Variants in HPSE2 observed in about 807,000 individuals in gnomAD.
The protein encoded by HPSE2 is inactive heparanase-2.
Under a neutral mutation model 60.5 loss-of-function variants are expected in HPSE2, and 38 were observed. The ratio of observed to expected loss-of-function variants is 0.63; its 90% CI spans 0.48 to 0.82. The LOEUF (loss-of-function observed/expected upper bound fraction) is 0.82. Ranked by LOEUF, HPSE2 falls within the 40% of genes least tolerant of loss-of-function variation. The pLI, the probability that HPSE2 is intolerant of heterozygous loss-of-function variation, is 0.00. For missense variants in HPSE2, 713 were observed against 740.4 expected (o/e 0.96, Z 0.43); for synonymous variants, 295 against 293.2 (o/e 1.01, Z -0.06).
At chr10:99,240,663 C>T (rs1258198167), upstream of HPSE2, among the ~76,000 whole-genome samples, 2 of 152,106 alleles carry the variant, frequency 1.3e-5, no homozygotes, top group South Asian at 2.1e-4. Context: ...CTGCCCGCCT[C>T]GGCTTCCAAA....
In HPSE2 at chr10:98,459,734, A is replaced by T. The variant is rs1227835322; in HGVS notation, c.1619T>A (p.Val540Glu). The change falls in exon 12 of 12, where the codon GTG becomes GAG. Residue 540 changes from valine to glutamate, a missense_variant. By Grantham distance (121) the Val-to-Glu change is moderately radical. Transcript: ENST00000370552. ...YGQEGLKSKS[V>E]QLNGQPLVMV... is the part of the protein sequence containing the mutation. ...CACTAAGGGCTGGCCATTCAGTTGC[A>T]CTGACCTACAGTGAGGAAAAACAGT... 6.2e-7 allele frequency: 1 copy of T among 1,613,266 alleles called. No individual in the cohort carries two copies. Among genetic ancestry groups the T allele is most frequent in the Non-Finnish European group, 8.5e-7 (1 of 1,179,642 alleles).
At chr10:99,078,293 C>T (rs905027062) in intron 3 of HPSE2, among the ~76,000 whole-genome samples, 5 of 152,080 alleles carry the variant, frequency 3.3e-5, no homozygotes, top group Admixed American at 6.5e-5. Flanking sequence ...TACAGTCATC[C>T]CTGGATTTTC....
intron 3 of HPSE2, among the ~76,000 whole-genome samples, chr10:98,994,719 C>T (rs920076978): frequency 6.6e-6 from 1 of 152,100 alleles, no homozygotes; most frequent in African/African-American, 2.4e-5. Flanking sequence ...CGGTGGGTTC[C>T]CTCCCAAGCA....
At chr10:98,884,404 C>T (rs976574198) in intron 3 of HPSE2, among the ~76,000 whole-genome samples, 15 of 152,124 alleles carry the variant, frequency 9.9e-5, no homozygotes, top group East Asian at 9.6e-4. Context: ...AAAATGCCCT[C>T]TAGGACTTTC....
chr10:99,152,318 A>AG (rs1251301271), intron 2 of HPSE2, among the ~76,000 whole-genome samples: 1 of 151,850 alleles, frequency 6.6e-6, no homozygotes, highest in East Asian at 1.9e-4. Flanking sequence ...CTCAAAAAAA[A>AG]AAAAAAAAAA....
intron 5 of HPSE2, among the ~76,000 whole-genome samples, chr10:98,696,194 T>G (rs1948208287): frequency 6.6e-6 from 1 of 150,920 alleles, no homozygotes; most frequent in Non-Finnish European, 1.5e-5. Flanking sequence ...GGAATTTACT[T>G]CTCCAAAATA....
At chr10:98,548,983 C>T (rs879780441) in intron 9 of HPSE2, among the ~76,000 whole-genome samples, 1 of 152,168 alleles carries the variant, frequency 6.6e-6, no homozygotes, top group African/African-American at 2.4e-5. Context: ...CCTTCTTTCG[C>T]CCACTTGCAG....
chr10:98,883,226 A>T (rs1355390212), intron 3 of HPSE2, among the ~76,000 whole-genome samples: 1 of 152,118 alleles, frequency 6.6e-6, no homozygotes, highest in South Asian at 2.1e-4. Context: ...AAACTTTTTT[A>T]ACAGTAAAAA....
chr10:99,226,554 T>A (rs917832946), intron 2 of HPSE2, among the ~76,000 whole-genome samples: 3 of 152,176 alleles, frequency 2.0e-5, no homozygotes, highest in Non-Finnish European at 4.4e-5. Context: ...TATCAGAGAA[T>A]AATACATGAT....
At chr10:99,188,929 G>C (rs1848126005) in intron 2 of HPSE2, among the ~76,000 whole-genome samples, 1 of 152,180 alleles carries the variant, frequency 6.6e-6, no homozygotes, top group South Asian at 2.1e-4. Context: ...TTCTCTGCAA[G>C]AGTCCTGTTC....
intron 3 of HPSE2, among the ~76,000 whole-genome samples, chr10:98,917,666 CTTATTA>C (rs902944942): frequency 1.3e-5 from 2 of 152,094 alleles, no homozygotes; most frequent in African/African-American, 4.8e-5. Flanking sequence ...GGTACCTACC[CTTATTA>C]TTATTATTTT....
At chr10:99,312,566 A>T in the HPSE2 span, among the ~76,000 whole-genome samples, 1 of 152,242 alleles carries the variant, frequency 6.6e-6, no homozygotes, top group African/African-American at 2.4e-5. Flanking sequence ...ACTACTGCTC[A>T]GAAAAAAAGA....
the HPSE2 span, among the ~76,000 whole-genome samples, chr10:99,312,515 T>C: frequency 1.3e-5 from 2 of 152,224 alleles, no homozygotes; most frequent in Non-Finnish European, 2.9e-5. Context: ...CACATCTGTT[T>C]ACAGCAAACT....
At chr10:98,644,145 G>A (rs1005771219) in intron 6 of HPSE2, among the ~76,000 whole-genome samples, 14 of 152,072 alleles carry the variant, frequency 9.2e-5, no homozygotes, top group African/African-American at 3.4e-4. Flanking sequence ...CCAGAATCTG[G>A]AGTTAGAAAA....
chr10:99,283,217 C>A, the HPSE2 span, among the ~76,000 whole-genome samples: 2,730 of 8,066 alleles, frequency 0.34, 325 homozygotes, highest in East Asian at 0.53. Flanking sequence ...AAAAAAAAAA[C>A]AGAAGGATTT....
At chr10:98,946,056 C>CA (rs1955173626) in intron 3 of HPSE2, among the ~76,000 whole-genome samples, 1 of 151,560 alleles carries the variant, frequency 6.6e-6, no homozygotes, top group Non-Finnish European at 1.5e-5. Flanking sequence ...CTAGAAATAT[C>CA]AAAAAAATAA....
chr10:98,778,253 T>TGAGAGAGAGACAGAGA lies in HPSE2; in HGVS notation c.611-34213_611-34198dup, dbSNP rs1365157672. On this transcript the variant is annotated intron_variant, in intron 3 of 11. Coordinates refer to ENST00000370552, the MANE Select transcript of HPSE2 (RefSeq NM_021828.5). ...AATCTGGAGACTGCAGGATGCTCAG[T>TGAGAGAGAGACAGAGA]GAGAGAGAGACAGAGAGAGAGAGAG... is the stretch of plus-strand genomic sequence containing the variant. Among the ~76,000 whole-genome samples, 22 of 23,974 alleles carry TGAGAGAGAGACAGAGA rather than the reference T, an allele frequency of 9.2e-4. No individual in the cohort carries two copies. The South Asian group carries it at 0.012, about 13-fold the overall frequency. The allele number at this position is 23,974 out of a possible 152,430, so 15.7% of individuals were successfully genotyped here.
chr10:98,860,298 G>C (rs1952425023), intron 3 of HPSE2, among the ~76,000 whole-genome samples: 1 of 152,178 alleles, frequency 6.6e-6, no homozygotes, highest in Non-Finnish European at 1.5e-5. Flanking sequence ...GAATTCCAAA[G>C]TCTATGCCTT....
Position 99,095,264 on chromosome 10 carries a change from T to C in HPSE2, c.610+48974A>G, listed in dbSNP as rs115855589. 3.2e-3 allele frequency among the ~76,000 whole-genome samples: 490 copies of C among 152,280 alleles called. 3 individuals carry two copies. The highest frequency in any genetic ancestry group is 0.011 in the African/African-American group (460 of 41,568). On this transcript the variant is annotated intron_variant, in intron 3 of 11. Coordinates refer to ENST00000370552, the MANE Select transcript of HPSE2 (RefSeq NM_021828.5). ...ATAGATATTCACAACTATCATTGCA[T>C]ATTGTATCTATTAGTATTCAGCATG...
Sources: allele counts gnomAD v4.1 joint callset (sites outside exome capture counted in the v4.1 genomes callset), GRCh38; gene constraint gnomAD v4.1.1; transcripts MANE v1.5; gene names NCBI Gene and HGNC (gene_info 2026-07-23, HGNC 2026-07-21).